Variants in HERC4 observed in about 807,000 individuals in gnomAD.
HERC4 encodes the protein probable E3 ubiquitin-protein ligase HERC4.
HERC4 carries 28 observed loss-of-function variants against 124.3 expected under a neutral mutation model. That is an observed-to-expected ratio of 0.23 (90% confidence interval 0.17 to 0.31). The LOEUF is 0.31. Ranked by LOEUF, HERC4 falls within the 10% of genes least tolerant of loss-of-function variation. The probability of loss-of-function intolerance (pLI) is 1.00; values close to 1 mark genes in which losing one functional copy is unlikely to be tolerated. For synonymous variants in HERC4, 407 were observed against 421.5 expected (o/e 0.97, Z 0.42); for missense variants, 713 against 1,229.3 (o/e 0.58, Z 6.28).
chr10:68,000,286 T>C (rs2037147255), intron 9 of HERC4, among the ~76,000 whole-genome samples: 1 of 152,064 alleles, frequency 6.6e-6, no homozygotes. Flanking sequence ...CTCCTAAAAC[T>C]TTGTATATTG....
chr10:67,923,258 C>A, intron 24 of HERC4, 119 bp from the exon 25 acceptor site: 1 of 671,372 alleles, frequency 1.5e-6, no homozygotes, highest in Non-Finnish European at 2.5e-6. Flanking sequence ...AACGTGTTAT[C>A]TTACTTCCTA....
At chr10:68,072,287 C>G (rs1431741566) in intron 3 of HERC4, among the ~76,000 whole-genome samples, 1 of 152,078 alleles carries the variant, frequency 6.6e-6, no homozygotes, top group Non-Finnish European at 1.5e-5. Flanking sequence ...ATTTAATTTG[C>G]TTGTACAACT....
chr10:68,059,459 A>AATATTATATATC (rs1491587972), intron 3 of HERC4, among the ~76,000 whole-genome samples: 3 of 83,210 alleles, frequency 3.6e-5, no homozygotes, highest in African/African-American at 1.7e-4. Context: ...TATATATTAT[A>AATATTATATATC]ATAATATTAT....
rs1045735871 is a variant in HERC4, at chr10:68,029,658, G to C, written c.777+3120C>G. 2.3e-4 allele frequency among the ~76,000 whole-genome samples: 34 copies of C among 148,612 alleles called. 1 individual carries two copies. The highest frequency in any genetic ancestry group is 8.1e-4 in the African/African-American group (33 of 40,852). On this transcript the variant is annotated intron_variant, in intron 7 of 24. Transcript: ENST00000373700. The stretch of plus-strand genomic sequence containing the variant: ...TAACTTGTTAGTTTTCAATTTTTAA[G>C]GACGAATATTTATATAATTTTTATA...
At chr10:67,995,720 T>C (rs1329732580) in intron 9 of HERC4, among the ~76,000 whole-genome samples, 1 of 152,220 alleles carries the variant, frequency 6.6e-6, no homozygotes, top group Non-Finnish European at 1.5e-5. Context: ...TTTATCTAAT[T>C]CTTTATAACT....
intron 9 of HERC4, among the ~76,000 whole-genome samples, chr10:68,001,473 T>C (rs760335708): frequency 2.0e-5 from 3 of 152,196 alleles, no homozygotes; most frequent in African/African-American, 7.2e-5. Context: ...GTTTAACCTC[T>C]GGATGGGCTA....
At chr10:67,979,845 G>A (rs1277833729) in intron 15 of HERC4, among the ~76,000 whole-genome samples, 2 of 152,014 alleles carry the variant, frequency 1.3e-5, no homozygotes, top group Admixed American at 1.3e-4. Context: ...GCTGAGGCAG[G>A]AGAATGGCGT....
chr10:68,003,996 A>G (rs1052392513), intron 9 of HERC4, among the ~76,000 whole-genome samples: 1 of 151,872 alleles, frequency 6.6e-6, no homozygotes, highest in Non-Finnish European at 1.5e-5. Flanking sequence ...CCTTTTCTCC[A>G]TATCCTTGCC....
At chr10:67,932,015 T>C (rs1318114345) in intron 23 of HERC4, among the ~76,000 whole-genome samples, 2 of 152,126 alleles carry the variant, frequency 1.3e-5, no homozygotes, top group Non-Finnish European at 1.5e-5. Flanking sequence ...TGGAATGCAG[T>C]GGCACAATCT....
rs184261361 is a variant in HERC4, at chr10:67,967,056, G to A, written c.1807-254C>T. Among the ~76,000 whole-genome samples, 125 of 152,232 alleles carry A rather than the reference G, an allele frequency of 8.2e-4. No homozygotes were observed. In the Middle Eastern group the frequency reaches 0.02, roughly 25 times the overall value. Reference sequence around the variant, plus strand: ...TTTTTAGTAGAGACGGAGTTTCATCGTGTTAGCCAGGATGGTCTCGATCTC... The same window carrying A: ...TTTTTAGTAGAGACGGAGTTTCATCATGTTAGCCAGGATGGTCTCGATCTC... On this transcript the variant is annotated intron_variant, in intron 15 of 24. Transcript: ENST00000373700.
intron 3 of HERC4, among the ~76,000 whole-genome samples, chr10:68,060,114 C>T (rs1212888512): frequency 6.6e-6 from 1 of 150,546 alleles, no homozygotes; most frequent in African/African-American, 2.4e-5. Context: ...AGGATAGATA[C>T]AAGACTTTTG....
chr10:67,940,755 T>C (rs563042099), intron 20 of HERC4, among the ~76,000 whole-genome samples, 184 bp downstream of exon 20: 1 of 152,330 alleles, frequency 6.6e-6, no homozygotes, highest in South Asian at 2.1e-4. Context: ...AATTTAGTCT[T>C]TCAATAGAAA....
intron 16 of HERC4, among the ~76,000 whole-genome samples, chr10:67,960,291 C>T (rs950933355): frequency 5.3e-5 from 8 of 152,312 alleles, no homozygotes; most frequent in Middle Eastern, 3.4e-3. Context: ...GAAGCTCTGC[C>T]TCTGGTTATC....
intron 15 of HERC4, 43 bp from the exon 16 acceptor site, chr10:67,966,845 C>T (rs749320647): frequency 2.1e-6 from 3 of 1,447,794 alleles, no homozygotes; most frequent in Non-Finnish European, 2.8e-6. Flanking sequence ...AACCAGTACT[C>T]AAGACAGACA....
intron 3 of HERC4, among the ~76,000 whole-genome samples, chr10:68,046,585 G>A (rs1306390370): frequency 6.6e-6 from 1 of 152,170 alleles, no homozygotes; most frequent in Non-Finnish European, 1.5e-5. Context: ...TACAGCCTAT[G>A]GAAAAGGAGG....
At chr10:67,934,422 A>T (rs980572253) in intron 22 of HERC4, among the ~76,000 whole-genome samples, 5 of 152,060 alleles carry the variant, frequency 3.3e-5, no homozygotes, top group Non-Finnish European at 5.9e-5. Context: ...TCTTGATCTA[A>T]CCCAAGTTGT....
chr10:67,970,988 A>G (rs1290306518), intron 15 of HERC4, among the ~76,000 whole-genome samples: 1 of 152,072 alleles, frequency 6.6e-6, no homozygotes, highest in Non-Finnish European at 1.5e-5. Flanking sequence ...AATAATGAAT[A>G]AACCTACAGT....
chr10:68,015,392 A>G (rs2038201271), intron 8 of HERC4, among the ~76,000 whole-genome samples: 1 of 152,204 alleles, frequency 6.6e-6, no homozygotes, highest in Admixed American at 6.5e-5. Flanking sequence ...ACAAAGAACT[A>G]TTAGCTAAAT....
At chr10:68,069,639 C>G in intron 3 of HERC4, 4 of 984,970 alleles carry the variant, frequency 4.1e-6, no homozygotes, top group Non-Finnish European at 4.8e-6. Flanking sequence ...ACCTCTTTCT[C>G]CTTCATTCCT....
Sources: allele counts gnomAD v4.1 joint callset (sites outside exome capture counted in the v4.1 genomes callset), GRCh38; gene constraint gnomAD v4.1.1; transcripts MANE v1.5; gene names NCBI Gene and HGNC (gene_info 2026-07-23, HGNC 2026-07-21).